The following ABCC4 variants were observed in gnomAD, a reference collection of about 807,000 sequenced individuals.
ABCC4 encodes the protein ATP binding cassette subfamily C member 4 (PEL blood group), also known as ATP-binding cassette sub-family C member 4.
In ABCC4, 102 loss-of-function variants were observed where a neutral mutation model predicts 168.5. The ratio of observed to expected loss-of-function variants is 0.61; its 90% confidence interval spans 0.52 to 0.71. The LOEUF (loss-of-function observed/expected upper bound fraction) is 0.71, where lower values mean the gene tolerates loss of function less well. Among genes scored for constraint, ABCC4 ranks in the 30% least tolerant of loss-of-function variants. ABCC4 has a pLI of 0.00. For synonymous variants in ABCC4, 617 were observed against 590.7 expected, an observed-to-expected ratio of 1.04 and a Z score of -0.65; for missense variants, 1,402 against 1,605.8, an observed-to-expected ratio of 0.87 and a Z score of 2.17.
chr13:95,116,881 C>A (rs2035395564), intron 19 of ABCC4, among the ~76,000 whole-genome samples: 1 of 152,152 alleles, frequency 6.6e-6, no homozygotes, highest in Admixed American at 6.5e-5. Flanking sequence ...CTTTTCTAAT[C>A]AACGCTTCCG....
At chr13:95,174,362 A>G (rs948846952) in intron 13 of ABCC4, among the ~76,000 whole-genome samples, 7 of 152,272 alleles carry the variant, frequency 4.6e-5, no homozygotes, top group African/African-American at 1.7e-4. Flanking sequence ...AAGCTTCAAC[A>G]CAACCGCCAT....
At chr13:95,111,152 G>A (rs1279627838) in intron 20 of ABCC4, among the ~76,000 whole-genome samples, 2 of 152,118 alleles carry the variant, frequency 1.3e-5, no homozygotes, top group Non-Finnish European at 1.5e-5. Flanking sequence ...AGATCTTTAT[G>A]CTATTTGTAT....
intron 1 of ABCC4, among the ~76,000 whole-genome samples, chr13:95,274,109 C>T (rs1188296771): frequency 1.3e-5 from 2 of 152,114 alleles, no homozygotes; most frequent in Non-Finnish European, 2.9e-5. Flanking sequence ...TTATCAGCAG[C>T]GTGAAAACAG....
At chr13:95,079,313 C>T (rs2034011935) in intron 21 of ABCC4, among the ~76,000 whole-genome samples, 1 of 152,210 alleles carries the variant, frequency 6.6e-6, no homozygotes, top group Non-Finnish European at 1.5e-5. Context: ...GATTTTCTGT[C>T]TTCTCTGAAA....
intron 19 of ABCC4, among the ~76,000 whole-genome samples, chr13:95,136,246 C>T (rs1055219502): frequency 2.6e-5 from 4 of 151,958 alleles, no homozygotes; most frequent in African/African-American, 9.7e-5. Context: ...AATCTCGGCT[C>T]ACTGCAACCT....
At chr13:95,229,465 C>T (rs1314525102) in intron 4 of ABCC4, among the ~76,000 whole-genome samples, 1 of 152,190 alleles carries the variant, frequency 6.6e-6, no homozygotes, top group African/African-American at 2.4e-5. Context: ...GGAGCACCAG[C>T]AAGCAGGCTC....
At chr13:95,296,135 AACACACACACACACAC>A (rs753316849) in intron 1 of ABCC4, among the ~76,000 whole-genome samples, 186 of 98,956 alleles carry the variant, frequency 1.9e-3, no homozygotes, top group African/African-American at 6.8e-3. Flanking sequence ...CCTGTCTCAA[AACACACACACACACAC>A]ACACACACAC....
chr13:95,052,831 G>C (rs147105733), intron 27 of ABCC4, among the ~76,000 whole-genome samples: 1 of 152,134 alleles, frequency 6.6e-6, no homozygotes, highest in African/African-American at 2.4e-5. Flanking sequence ...CTAGTTTAAC[G>C]CATTGCTAAA....
intron 21 of ABCC4, among the ~76,000 whole-genome samples, chr13:95,079,943 G>A (rs1340670621): frequency 1.3e-5 from 2 of 152,222 alleles, no homozygotes; most frequent in Non-Finnish European, 2.9e-5. Context: ...TATTTCCAAG[G>A]CTGTGCTTTT....
At chr13:95,201,699 G>A (rs1176253758) in intron 8 of ABCC4, among the ~76,000 whole-genome samples, 2 of 152,078 alleles carry the variant, frequency 1.3e-5, no homozygotes, top group Non-Finnish European at 2.9e-5. Context: ...TGGGCCGGGT[G>A]CGGTGGCTTA....
chr13:95,262,758 G>A (rs1197977448), intron 1 of ABCC4, among the ~76,000 whole-genome samples: 1 of 151,688 alleles, frequency 6.6e-6, no homozygotes, highest in Admixed American at 6.6e-5. Flanking sequence ...TCAGCCTCCT[G>A]AGTAGCTGGG....
chr13:95,114,649 A>G (rs1039141017), intron 20 of ABCC4, among the ~76,000 whole-genome samples: 1 of 152,146 alleles, frequency 6.6e-6, no homozygotes, highest in African/African-American at 2.4e-5. Flanking sequence ...TCACCTCCAT[A>G]AACAGTGGAT....
At chr13:95,164,312 A>G (rs2037201720) in intron 16 of ABCC4, 66 bp downstream of exon 16, 4 of 1,582,654 alleles carry the variant, frequency 2.5e-6, no homozygotes, top group Non-Finnish European at 3.5e-6. Context: ...AGATGCAGTC[A>G]TAATAGCATA....
chr13:95,059,763 G>C (rs148231445), intron 26 of ABCC4, among the ~76,000 whole-genome samples: 1 of 152,094 alleles, frequency 6.6e-6, no homozygotes, highest in Non-Finnish European at 1.5e-5. Flanking sequence ...CTAGAATAGC[G>C]AGTAGCAATA....
At chr13:95,183,075 CTTTT>C (rs4148491) in intron 11 of ABCC4, among the ~76,000 whole-genome samples, 1 of 124,438 alleles carries the variant, frequency 8.0e-6, no homozygotes, top group Admixed American at 8.3e-5. Flanking sequence ...TCCTCTAGGA[CTTTT>C]TTTTTTTTTT....
In ABCC4 at chr13:95,225,151, TCTCA is replaced by T. The variant is rs1442469064; in HGVS notation, c.531+9455_531+9458del. Among the ~76,000 whole-genome samples the T allele has an allele frequency of 2.2e-3, 66 of 30,618 alleles. 1 individual carries two copies. Among genetic ancestry groups the T allele is most frequent in the African/African-American group, 4.9e-3 (51 of 10,308 alleles). 20.1% of individuals were successfully genotyped at this position (30,618 alleles called of 152,430 possible). ...CTGTCTGTCTGTCTGTCTCTCTCTC[TCTCA>T]CACACACACACACACACACACACAC... On this transcript the variant is annotated intron_variant, in intron 4 of 30. Transcript: ENST00000645237.
At chr13:95,246,795 C>A in intron 3 of ABCC4, among the ~76,000 whole-genome samples, 180 bp downstream of exon 3, 1 of 152,174 alleles carries the variant, frequency 6.6e-6, no homozygotes, top group East Asian at 1.9e-4. Flanking sequence ...TAAATACGCT[C>A]ACTGAACTAA....
chr13:95,193,738 C>T (rs891935914), intron 9 of ABCC4, among the ~76,000 whole-genome samples: 3 of 152,196 alleles, frequency 2.0e-5, no homozygotes, highest in South Asian at 2.1e-4. Context: ...TTGCAAGTTA[C>T]GTAATCTGAG....
chr13:95,198,250 A>C (rs138340759), intron 8 of ABCC4, among the ~76,000 whole-genome samples: 2,940 of 152,318 alleles, frequency 0.019, 88 homozygotes, highest in African/African-American at 0.067. Context: ...CAAGGAACTT[A>C]AACAAATTTA....
Sources: gnomAD v4.1 joint callset for allele counts (sites outside exome capture counted in the v4.1 genomes callset) on GRCh38, gnomAD v4.1.1 for gene constraint, MANE v1.5 for transcripts, NCBI Gene and HGNC (gene_info 2026-07-23, HGNC 2026-07-21) for gene names.